The following CCDC62 variants were observed in gnomAD, a reference collection of about 807,000 sequenced individuals.
CCDC62 encodes coiled-coil domain containing 62.
In CCDC62, 72 loss-of-function variants were observed where a neutral mutation model predicts 80.8. The ratio of observed to expected loss-of-function variants is 0.89; its 90% CI spans 0.74 to 1.08. The LOEUF (loss-of-function observed/expected upper bound fraction) is 1.08, where lower values mean the gene tolerates loss of function less well. Among genes scored for constraint, CCDC62 ranks in the 50% least tolerant of loss-of-function variants. The pLI, the probability that CCDC62 is intolerant of heterozygous loss-of-function variation, is 0.00. For synonymous variants in CCDC62, 286 were observed against 296.5 expected (o/e 0.96, Z 0.36); for missense variants, 704 against 809.4 (o/e 0.87, Z 1.58).
chr12:122,809,670 T>G (rs2031782382), intron 10 of CCDC62, among the ~76,000 whole-genome samples: 1 of 152,194 alleles, frequency 6.6e-6, no homozygotes, highest in Non-Finnish European at 1.5e-5. Flanking sequence ...AAAAAATACT[T>G]TAAAGTTCAT....
chr12:122,783,377 G>A lies in CCDC62; in HGVS notation c.396+2047G>A, dbSNP rs540350887. ...CTAGTAGCTGGGACTACAGGCGCCC[G>A]CCACCACGCCCGGCTAATTTTTTGT... On this transcript the variant is annotated intron_variant, in intron 3 of 12. Transcript: ENST00000253079. 1.4e-4 allele frequency among the ~76,000 whole-genome samples: 21 copies of A among 151,372 alleles called. No homozygotes were observed. In the East Asian group the frequency reaches 3.0e-3, roughly 22 times the overall value.
At chr12:122,797,752 G>C (rs2031047846) in intron 7 of CCDC62, among the ~76,000 whole-genome samples, 1 of 151,914 alleles carries the variant, frequency 6.6e-6, no homozygotes, top group Admixed American at 6.6e-5. Context: ...GTGTTGGCCA[G>C]GCTGGTCTCG....
chr12:122,825,312 A>T (rs2032571093), intron 12 of CCDC62, among the ~76,000 whole-genome samples: 1 of 137,854 alleles, frequency 7.3e-6, no homozygotes, highest in South Asian at 2.3e-4. Context: ...AGCAGCTGGG[A>T]TTACAGGTGC....
rs538484819 is a variant in CCDC62, at chr12:122,823,979, C to T, written c.*40+520C>T. Reference sequence around the variant, plus strand: ...CTAGCCTGGGCAACAGAGCAAGACTCCGTCTCAAAAAAAAAAAGTTATTAT... The same window carrying T: ...CTAGCCTGGGCAACAGAGCAAGACTTCGTCTCAAAAAAAAAAAGTTATTAT... On this transcript the variant is annotated intron_variant, in intron 12 of 12. Transcript: ENST00000253079. Among the ~76,000 whole-genome samples the T allele has an allele frequency of 8.0e-4, 122 of 151,786 alleles. 1 individual carries two copies. Among genetic ancestry groups the T allele is most frequent in the African/African-American group, 2.9e-3 (119 of 41,428 alleles).
intron 9 of CCDC62, among the ~76,000 whole-genome samples, chr12:122,805,614 A>G (rs2031560579): frequency 6.9e-6 from 1 of 145,468 alleles, no homozygotes; most frequent in Non-Finnish European, 1.5e-5. Flanking sequence ...TCCCGGGTTC[A>G]CGCCATTCTC....
intron 8 of CCDC62, among the ~76,000 whole-genome samples, chr12:122,799,482 G>A (rs545478370): frequency 6.6e-6 from 1 of 152,264 alleles, no homozygotes; most frequent in Admixed American, 6.5e-5. Context: ...CCCTTAACTG[G>A]ATTTTCCTGC....
chr12:122,797,234 A>G, intron 6 of CCDC62, 73 bp from the exon 7 acceptor site: 17 of 750,864 alleles, frequency 2.3e-5, no homozygotes. Context: ...GCTGAGCATT[A>G]AATTGTTGGA....
intron 10 of CCDC62, among the ~76,000 whole-genome samples, chr12:122,810,496 C>T (rs1170701748): frequency 8.5e-5 from 13 of 152,052 alleles, no homozygotes; most frequent in Non-Finnish European, 5.9e-5. Context: ...GTTAGAATGG[C>T]GATCATTAAA....
intron 6 of CCDC62, among the ~76,000 whole-genome samples, chr12:122,793,695 T>A (rs1450804079): frequency 6.6e-6 from 1 of 152,044 alleles, no homozygotes; most frequent in Non-Finnish European, 1.5e-5. Context: ...GATCAAGCGA[T>A]CCCCTTGCCT....
intron 11 of CCDC62, among the ~76,000 whole-genome samples, chr12:122,822,463 CCTGT>C (rs1405388341): frequency 1.1e-4 from 17 of 152,022 alleles, no homozygotes; most frequent in South Asian, 1.0e-3. Flanking sequence ...AACTTTTCCT[CCTGT>C]CTAATTGAAA....
At chr12:122,816,457 G>A (rs2032167193) in intron 11 of CCDC62, among the ~76,000 whole-genome samples, 1 of 152,166 alleles carries the variant, frequency 6.6e-6, no homozygotes, top group Non-Finnish European at 1.5e-5. Flanking sequence ...CAGCCATGGT[G>A]GCTAATGCCT....
Position 122,801,602 on chromosome 12 carries a change from T to G in CCDC62, c.1456T>G (p.Cys486Gly). 1.2e-6 allele frequency: 2 copies of G among 1,614,130 alleles called. No individual in the cohort carries two copies. Among genetic ancestry groups the G allele is most frequent in the Non-Finnish European group, 8.5e-7 (1 of 1,180,024 alleles). The change falls in exon 9 of 13, where the codon TGT (cysteine) becomes GGT (glycine). Residue 486 changes from cysteine (C) to glycine (G), a missense_variant. By Grantham distance (159) the Cys-to-Gly change is radical (BLOSUM62 -3). Coordinates refer to ENST00000253079, the MANE Select transcript of CCDC62 (RefSeq NM_201435.5). ...SKHPEKLDVE[C>G]QDQMERSEIS... is the part of the protein sequence containing the mutation. ...ACATCCAGAAAAGCTGGATGTAGAA[T>G]GTCAAGATCAGATGGAAAGGTCCGA...
rs1430448007 is a variant in CCDC62, at chr12:122,798,065, T to G, written c.862-20T>G. ...GTTTTGTTATTACATTTCATGTTGA[T>G]TTGTCAATATCTATGACAGATTTAT... On this transcript the variant is annotated intron_variant, in intron 7 of 12. Coordinates refer to ENST00000253079, the MANE Select transcript of CCDC62 (RefSeq NM_201435.5). 1.7e-6 allele frequency: 2 copies of G among 1,180,898 alleles called. No individual in the cohort carries two copies. The highest frequency in any genetic ancestry group is 1.9e-5 in the Admixed American group (1 of 53,910). 73.2% of individuals were successfully genotyped at this position (1,180,898 alleles called of 1,614,324 possible).
intron 10 of CCDC62, among the ~76,000 whole-genome samples, chr12:122,810,997 A>C (rs1209169335): frequency 7.3e-6 from 1 of 136,940 alleles, no homozygotes; most frequent in Non-Finnish European, 1.5e-5. Context: ...AGGAAGGGGG[A>C]CATCACACAC....
At chr12:122,787,829 C>T (rs936172757) in intron 4 of CCDC62, among the ~76,000 whole-genome samples, 1 of 152,054 alleles carries the variant, frequency 6.6e-6, no homozygotes, top group Admixed American at 6.6e-5. Context: ...AAGCAGATGC[C>T]CTCCAGGACA....
intron 5 of CCDC62, among the ~76,000 whole-genome samples, chr12:122,789,380 C>T (rs74619326): frequency 0.018 from 2,673 of 152,334 alleles, 77 homozygotes; most frequent in African/African-American, 0.061. Flanking sequence ...CTGGGCATTT[C>T]TTCCCATGGT....
rs144033346 is a variant in CCDC62 at position 122,796,965 on chromosome 12, C to T, written c.773-342C>T. ...CGCAATCTCTGCTCACTGCAACTTCCACCTCCCAGGTTCAAATGATTTTCC... is the reference window on the plus strand; with the variant it reads ...CGCAATCTCTGCTCACTGCAACTTCTACCTCCCAGGTTCAAATGATTTTCC... On this transcript the variant is annotated intron_variant, in intron 6 of 12. Coordinates refer to ENST00000253079, the MANE Select transcript of CCDC62 (RefSeq NM_201435.5). 3.4e-3 allele frequency among the ~76,000 whole-genome samples: 512 copies of T among 151,412 alleles called. 2 individuals are homozygous for T. Among genetic ancestry groups the T allele is most frequent in the African/African-American group, 0.012 (483 of 41,216 alleles).
At chr12:122,789,376 A>G (rs1046125149) in intron 5 of CCDC62, among the ~76,000 whole-genome samples, 43 of 152,174 alleles carry the variant, frequency 2.8e-4, no homozygotes, top group African/African-American at 9.4e-4. Context: ...TAGCCTGGGC[A>G]TTTCTTCCCA....
rs1566086579 is a variant in CCDC62, at chr12:122,812,774, AGAG to A, written c.1852-495_1852-493del. 6.5e-4 allele frequency among the ~76,000 whole-genome samples: 26 copies of A among 40,144 alleles called. 1 individual carries two copies. Among genetic ancestry groups the A allele is most frequent in the Admixed American group, 2.9e-3 (10 of 3,474 alleles). The allele number at this position is 40,144 out of a possible 152,430, so 26.3% of individuals were successfully genotyped here. ...GAGGGAGGGAGAGAGAGAGAGAGAGAGAGAGAAAGAAAGAAAGAAAGAAAGAAA... is the reference window on the plus strand; with the variant it reads ...GAGGGAGGGAGAGAGAGAGAGAGAGAAGAAAGAAAGAAAGAAAGAAAGAAA... On this transcript the variant is annotated intron_variant, in intron 10 of 12. Transcript: ENST00000253079.
Sources: allele counts gnomAD v4.1 joint callset (sites outside exome capture counted in the v4.1 genomes callset), GRCh38; gene constraint gnomAD v4.1.1; transcripts MANE v1.5; gene names NCBI Gene and HGNC (gene_info 2026-07-23, HGNC 2026-07-21).